Variants in KCNH8 observed in about 807,000 individuals in gnomAD.
KCNH8 encodes voltage-gated delayed rectifier potassium channel KCNH8.
A neutral mutation model predicts 103.6 loss-of-function variants in KCNH8; 70 were observed. The ratio of observed to expected loss-of-function variants is 0.68; its 90% CI spans 0.56 to 0.82. The LOEUF is 0.82. Ranked by LOEUF, KCNH8 falls within the 40% of genes least tolerant of loss-of-function variation. The pLI, the probability that KCNH8 is intolerant of heterozygous loss-of-function variation, is 0.00. For synonymous variants in KCNH8, 498 were observed against 489.4 expected (o/e 1.02, Z -0.23); for missense variants, 1,217 against 1,329.9 (o/e 0.92, Z 1.32).
intron 8 of KCNH8, among the ~76,000 whole-genome samples, chr3:19,441,868 G>A (rs982176881): frequency 3.9e-5 from 6 of 152,170 alleles, no homozygotes; most frequent in African/African-American, 1.2e-4. Flanking sequence ...AATGGATCAC[G>A]CAGCATACAG....
chr3:19,219,601 T>C (rs557683578), intron 1 of KCNH8, among the ~76,000 whole-genome samples: 7 of 152,350 alleles, frequency 4.6e-5, no homozygotes, highest in Non-Finnish European at 7.3e-5. Flanking sequence ...TGAAACAAGT[T>C]TCTTGCACAC....
At chr3:19,225,530 G>C (rs1272482164) in intron 1 of KCNH8, among the ~76,000 whole-genome samples, 1 of 151,978 alleles carries the variant, frequency 6.6e-6, no homozygotes, top group African/African-American at 2.4e-5. Context: ...CTTCTCCTAC[G>C]GGCTTCTAAG....
At chr3:19,218,235 T>A (rs887869020) in intron 1 of KCNH8, among the ~76,000 whole-genome samples, 1 of 152,200 alleles carries the variant, frequency 6.6e-6, no homozygotes, top group Admixed American at 6.5e-5. Context: ...ATTTAAGAAA[T>A]TTTTAAAGTT....
chr3:19,154,388 C>T (rs951012791), intron 1 of KCNH8, among the ~76,000 whole-genome samples: 1 of 152,114 alleles, frequency 6.6e-6, no homozygotes, highest in African/African-American at 2.4e-5. Context: ...TTTAAACCCA[C>T]AGTTTTTGGT....
intron 3 of KCNH8, among the ~76,000 whole-genome samples, chr3:19,327,099 C>T (rs1023359087): frequency 3.3e-5 from 5 of 152,206 alleles, no homozygotes; most frequent in African/African-American, 1.2e-4. Flanking sequence ...ATGGTTGGAT[C>T]TCAAGAGGGC....
At chr3:19,501,043 GA>G (rs1347726042) in intron 11 of KCNH8, among the ~76,000 whole-genome samples, 1 of 151,504 alleles carries the variant, frequency 6.6e-6, no homozygotes, top group East Asian at 1.9e-4. Flanking sequence ...GACTAATAAA[GA>G]AAAAAAGAGA....
At chr3:19,374,682 G>T (rs1320443053) in intron 5 of KCNH8, among the ~76,000 whole-genome samples, 3 of 151,826 alleles carry the variant, frequency 2.0e-5, no homozygotes, top group Admixed American at 2.0e-4. Context: ...GTTAGTTGAT[G>T]CAGTTTCTTC....
At chr3:19,315,290 A>T (rs2065258895) in intron 3 of KCNH8, among the ~76,000 whole-genome samples, 1 of 151,996 alleles carries the variant, frequency 6.6e-6, no homozygotes, top group Non-Finnish European at 1.5e-5. Flanking sequence ...TGGTCCAAGG[A>T]TACCCTACAG....
At chr3:19,436,747 C>G (rs2067205606) in intron 7 of KCNH8, among the ~76,000 whole-genome samples, 2 of 152,178 alleles carry the variant, frequency 1.3e-5, no homozygotes, top group African/African-American at 4.8e-5. Flanking sequence ...TGTAAATGAA[C>G]AGACATTGAG....
At chr3:19,331,034 T>G (rs890453121) in intron 3 of KCNH8, among the ~76,000 whole-genome samples, 2 of 152,074 alleles carry the variant, frequency 1.3e-5, no homozygotes, top group East Asian at 3.9e-4. Flanking sequence ...TAATAATCAG[T>G]TCACTGTAGG....
At chr3:19,258,329 AT>A (rs1427882069) in intron 2 of KCNH8, among the ~76,000 whole-genome samples, 2 of 152,002 alleles carry the variant, frequency 1.3e-5, no homozygotes, top group African/African-American at 4.8e-5. Flanking sequence ...TAAGCCACTG[AT>A]TCTCTGTGGA....
chr3:19,313,712 A>AC (rs1294285844), intron 3 of KCNH8, among the ~76,000 whole-genome samples: 46 of 151,480 alleles, frequency 3.0e-4, no homozygotes, highest in Admixed American at 3.9e-4. Flanking sequence ...AAAAAAAAAA[A>AC]AACAACTCAA....
chr3:19,411,511 G>A (rs762353050), intron 7 of KCNH8, among the ~76,000 whole-genome samples: 15 of 151,826 alleles, frequency 9.9e-5, no homozygotes, highest in Non-Finnish European at 1.9e-4. Context: ...GGAAGTCCTA[G>A]AGAGCAATCA....
At chr3:19,187,388 A>G (rs980209368) in intron 1 of KCNH8, among the ~76,000 whole-genome samples, 1 of 152,036 alleles carries the variant, frequency 6.6e-6, no homozygotes, top group Non-Finnish European at 1.5e-5. Flanking sequence ...AATAATTGTC[A>G]TGAAATAACA....
rs144115269 is a variant in KCNH8, at chr3:19,277,854, A to G, written c.311-3344A>G. Among the ~76,000 whole-genome samples the G allele has an allele frequency of 4.6e-3, 700 of 152,248 alleles. 5 individuals are homozygous for G. The highest frequency in any genetic ancestry group is 0.015 in the African/African-American group (644 of 41,552). On this transcript the variant is annotated intron_variant, in intron 2 of 15. Coordinates refer to ENST00000328405, the MANE Select transcript of KCNH8 (RefSeq NM_144633.3). The stretch of plus-strand genomic sequence containing the variant: ...CTGTCAGAGCCTCATCTGTGTTGAC[A>G]CTCTCCAACCCACATGGTAATTACT...
chr3:19,349,235 A>G (rs2125321068), intron 5 of KCNH8, among the ~76,000 whole-genome samples: 1 of 152,246 alleles, frequency 6.6e-6, no homozygotes, highest in African/African-American at 2.4e-5. Context: ...GGGATCTATT[A>G]AATAATGGTT....
chr3:19,186,638 T>C (rs908613816), intron 1 of KCNH8, among the ~76,000 whole-genome samples: 3 of 152,070 alleles, frequency 2.0e-5, no homozygotes, highest in Admixed American at 6.6e-5. Flanking sequence ...AACTTTCATA[T>C]AGATATAAAA....
intron 3 of KCNH8, among the ~76,000 whole-genome samples, chr3:19,283,289 T>A (rs1470141013): frequency 6.6e-6 from 1 of 152,144 alleles, no homozygotes; most frequent in East Asian, 1.9e-4. Context: ...CTTAAAATGG[T>A]GTTAACATTT....
chr3:19,255,383 C>T (rs1018116708), intron 2 of KCNH8, among the ~76,000 whole-genome samples: 1 of 152,140 alleles, frequency 6.6e-6, no homozygotes, highest in Non-Finnish European at 1.5e-5. Context: ...ATGGGGTTTT[C>T]TAGATATAAG....
Sources: allele counts gnomAD v4.1 joint callset (sites outside exome capture counted in the v4.1 genomes callset), GRCh38; gene constraint gnomAD v4.1.1; transcripts MANE v1.5; gene names NCBI Gene and HGNC (gene_info 2026-07-23, HGNC 2026-07-21).